The following SAP130 variants were observed in gnomAD, a reference collection of about 807,000 sequenced individuals.
The protein encoded by SAP130 is Sin3A associated protein 130.
Under a neutral mutation model 103.2 loss-of-function variants are expected in SAP130, and 16 were observed. The ratio of observed to expected loss-of-function variants is 0.16; its 90% confidence interval spans 0.10 to 0.24. The LOEUF (loss-of-function observed/expected upper bound fraction) is 0.24. Among genes scored for constraint, SAP130 ranks in the 10% least tolerant of loss-of-function variants. The pLI, the probability that SAP130 is intolerant of heterozygous loss-of-function variation, is 1.00. For synonymous variants in SAP130, 477 were observed against 497.0 expected, an observed-to-expected ratio of 0.96 and a Z score of 0.53; for missense variants, 990 against 1,359.7, an observed-to-expected ratio of 0.73 and a Z score of 4.28.
chr2:127,962,920 CATAGA>C (rs1372048008), intron 15 of SAP130, among the ~76,000 whole-genome samples: 5 of 149,630 alleles, frequency 3.3e-5, no homozygotes, highest in Non-Finnish European at 7.4e-5. Flanking sequence ...GGCTTGATGT[CATAGA>C]ATAAACTAGA....
chr2:127,950,123 G>T (rs1679391885), intron 17 of SAP130, 37 bp downstream of exon 17: 2 of 1,612,048 alleles, frequency 1.2e-6, no homozygotes, highest in South Asian at 2.2e-5. Flanking sequence ...GACTTTATTG[G>T]GAAGCATCAT....
intron 12 of SAP130, among the ~76,000 whole-genome samples, chr2:127,991,792 A>C (rs1573763501): frequency 6.6e-6 from 1 of 152,206 alleles, no homozygotes; most frequent in Admixed American, 6.5e-5. Flanking sequence ...GTAGTTTTGC[A>C]TTGCTAAGTT....
At chr2:127,975,351 T>C (rs1681382722) in intron 15 of SAP130, among the ~76,000 whole-genome samples, 1 of 152,146 alleles carries the variant, frequency 6.6e-6, no homozygotes, top group Non-Finnish European at 1.5e-5. Context: ...AGTGAAATTG[T>C]ATGTGATTTG....
intron 18 of SAP130, among the ~76,000 whole-genome samples, chr2:127,949,405 C>A (rs1679338349): frequency 6.6e-6 from 1 of 152,168 alleles, no homozygotes; most frequent in Admixed American, 6.5e-5. Context: ...TGAGGGCTTA[C>A]CTTAGACCAC....
chr2:127,970,793 T>A (rs945446647), intron 15 of SAP130, among the ~76,000 whole-genome samples: 1 of 152,098 alleles, frequency 6.6e-6, no homozygotes, highest in African/African-American at 2.4e-5. Context: ...ACATCTGCAA[T>A]GACCCTATTT....
chr2:128,008,203 C>T (rs990764884), intron 7 of SAP130, among the ~76,000 whole-genome samples: 1 of 152,158 alleles, frequency 6.6e-6, no homozygotes, highest in African/African-American at 2.4e-5. Context: ...TCAACATAAC[C>T]AATGGCAAGA....
At position 127,989,687 on chromosome 2, in the gene SAP130, G is replaced by T. The variant is rs111795237; in HGVS notation, c.1657C>A (p.Pro553Thr). The part of the protein sequence containing the change: ...QGIQPAPIGT[P>T]GIQPAPLGTQ... ...CCAAGTGGTGCAGGCTGTATCCCTGGGGTCCCAATGGGGGCCGGCTGGATA... is the reference window on the plus strand; with the variant it reads ...CCAAGTGGTGCAGGCTGTATCCCTGTGGTCCCAATGGGGGCCGGCTGGATA... Residue 553 changes from proline (P) to threonine (T), a missense_variant, in exon 13 of 21, where the codon CCA (proline) becomes ACA (threonine). Pro to Thr is a conservative substitution (Grantham distance 38). This residue lies in a region of SAP130 where 349 missense variants were observed against 384.1 expected (regional missense o/e 0.91). Transcript: ENST00000643581. The surrounding 1 kb of genome is among the most constrained non-coding windows in gnomAD (Gnocchi z 4.6). 6 of 1,614,158 alleles carry T rather than the reference G, an allele frequency of 3.7e-6. No individual in the cohort carries two copies. The highest frequency in any genetic ancestry group is 2.7e-5 in the African/African-American group (2 of 75,010).
chr2:127,973,595 C>G (rs952869814), intron 15 of SAP130, among the ~76,000 whole-genome samples: 1 of 152,186 alleles, frequency 6.6e-6, no homozygotes, highest in African/African-American at 2.4e-5. Context: ...ATCCAATCAT[C>G]TAGATATTGC....
chr2:127,944,030 C>T (rs1485161272), intron 19 of SAP130, among the ~76,000 whole-genome samples: 3 of 152,044 alleles, frequency 2.0e-5, no homozygotes, highest in Admixed American at 1.3e-4. Context: ...ATTCTATAAA[C>T]TTTGTTTTCT....
At chr2:128,008,871 G>A (rs1343858472) in intron 7 of SAP130, among the ~76,000 whole-genome samples, 1 of 151,916 alleles carries the variant, frequency 6.6e-6, no homozygotes, top group Non-Finnish European at 1.5e-5. Flanking sequence ...TTTTTAAAGA[G>A]ATGGGGTCTC....
intron 2 of SAP130, among the ~76,000 whole-genome samples, chr2:128,025,833 A>G (rs187410537): frequency 1.3e-3 from 201 of 152,334 alleles, no homozygotes; most frequent in Middle Eastern, 0.01. Flanking sequence ...TTCCTAGATA[A>G]TAAACCCCTA....
chr2:128,027,196 G>T, intron 1 of SAP130: 1 of 1,227,728 alleles, frequency 8.1e-7, no homozygotes, highest in South Asian at 3.9e-5. Context: ...GCGGGCGCGG[G>T]GAGGGATCGC....
At chr2:128,000,978 A>C (rs1342469164) in intron 7 of SAP130, among the ~76,000 whole-genome samples, 3 of 152,224 alleles carry the variant, frequency 2.0e-5, no homozygotes, top group Non-Finnish European at 4.4e-5. Flanking sequence ...ACATGCTGTA[A>C]GTTTTTGACA....
rs1164068422 is a variant in SAP130, at chr2:127,986,844, A to G, written c.1899T>C (p.Ala633=). ...GCCGTGGCGATGAGCCCTGGGCGGG[A>G]GCGTTGGTGCTAGCACTCTGGCTGT... is the stretch of plus-strand genomic sequence containing the variant. ...QTHSQSASTN[A]PAQGSSPRPS... Residue 633 remains alanine, a synonymous_variant, in exon 14 of 21, where the codon GCT becomes GCC. Coordinates refer to ENST00000643581, the MANE Select transcript of SAP130 (RefSeq NM_001330301.2). The surrounding 1 kb of genome is among the most constrained non-coding windows in gnomAD (Gnocchi z 4.7). 6.2e-7 allele frequency: 1 copy of G among 1,614,132 alleles called. No homozygotes were observed. The highest frequency in any genetic ancestry group is 8.5e-7 in the Non-Finnish European group (1 of 1,180,002).
intron 18 of SAP130, among the ~76,000 whole-genome samples, 197 bp downstream of exon 18, chr2:127,949,672 G>A (rs1679359768): frequency 6.6e-6 from 1 of 152,140 alleles, no homozygotes; most frequent in Non-Finnish European, 1.5e-5. Flanking sequence ...AATACACACA[G>A]CTTGCTAGGG....
chr2:128,004,370 T>C (rs1683810656), intron 7 of SAP130, among the ~76,000 whole-genome samples: 1 of 142,160 alleles, frequency 7.0e-6, no homozygotes, highest in Non-Finnish European at 1.5e-5. Flanking sequence ...CCTTTTTTTT[T>C]TTTTTTTTTT....
chr2:128,008,149 G>A (rs1020754757), intron 7 of SAP130, among the ~76,000 whole-genome samples: 2 of 152,104 alleles, frequency 1.3e-5, no homozygotes, highest in African/African-American at 2.4e-5. Flanking sequence ...CTTTGATTCA[G>A]TGAATCTCTT....
At chr2:127,977,335 C>CAAAAAAAAAAAAAAAAAAAA (rs36038328) in intron 15 of SAP130, among the ~76,000 whole-genome samples, 1 of 111,764 alleles carries the variant, frequency 8.9e-6, no homozygotes, top group Non-Finnish European at 1.7e-5. Flanking sequence ...ACTTAAAATA[C>CAAAAAAAAAAAAAAAAAAAA]AAAAAAAAAA....
At chr2:128,026,339 G>A (rs1685495742) in intron 1 of SAP130, 41 bp from the exon 2 acceptor site, 1 of 1,385,234 alleles carries the variant, frequency 7.2e-7, no homozygotes, top group African/African-American at 1.4e-5. Context: ...TAGATTCTGA[G>A]ATCTGAATCA....
Sources: gnomAD v4.1 joint callset for allele counts (sites outside exome capture counted in the v4.1 genomes callset) on GRCh38, gnomAD v4.1.1 for gene constraint, gnomAD v4.1.1 regional missense constraint, Gnocchi (gnomAD v3.1) non-coding constraint, MANE v1.5 for transcripts, NCBI Gene and HGNC (gene_info 2026-07-23, HGNC 2026-07-21) for gene names.